Variants in ADAMTS12 observed in about 807,000 individuals in gnomAD.
ADAMTS12 encodes the protein A disintegrin and metalloproteinase with thrombospondin motifs 12.
In ADAMTS12, 118 loss-of-function variants were observed where a neutral mutation model predicts 167.8. The ratio of observed to expected loss-of-function variants is 0.70; its 90% CI spans 0.61 to 0.82. The LOEUF (loss-of-function observed/expected upper bound fraction) is 0.82, where lower values mean the gene tolerates loss of function less well. Ranked by LOEUF, ADAMTS12 falls within the 40% of genes least tolerant of loss-of-function variation. The pLI is 0.00. For missense variants in ADAMTS12, 1,916 were observed against 1,998.8 expected, an observed-to-expected ratio of 0.96 and a Z score of 0.79; for synonymous variants, 704 against 716.9, an observed-to-expected ratio of 0.98 and a Z score of 0.29.
chr5:33,851,828 TC>T (rs2111651128), intron 2 of ADAMTS12, among the ~76,000 whole-genome samples: 1 of 152,372 alleles, frequency 6.6e-6, no homozygotes, highest in South Asian at 2.1e-4. Flanking sequence ...AAAACCCCTT[TC>T]TGCAGACTTA....
intron 3 of ADAMTS12, among the ~76,000 whole-genome samples, chr5:33,690,014 C>A (rs1742494945): frequency 1.3e-5 from 2 of 152,178 alleles, no homozygotes; most frequent in South Asian, 4.1e-4. Flanking sequence ...CTGAGTTGGG[C>A]GAACACACGT....
intron 3 of ADAMTS12, among the ~76,000 whole-genome samples, chr5:33,702,397 T>A (rs1743035720): frequency 6.6e-6 from 1 of 152,208 alleles, no homozygotes. Flanking sequence ...GGAATAATTG[T>A]GCCCATCTGA....
intron 12 of ADAMTS12, among the ~76,000 whole-genome samples, chr5:33,631,828 T>A (rs1284101106): frequency 6.6e-6 from 1 of 152,172 alleles, no homozygotes; most frequent in East Asian, 1.9e-4. Context: ...TGGGGTCTCT[T>A]CTGGATGTGT....
chr5:33,607,643 C>T (rs1738514300), intron 16 of ADAMTS12, among the ~76,000 whole-genome samples: 1 of 152,160 alleles, frequency 6.6e-6, no homozygotes, highest in African/African-American at 2.4e-5. Context: ...TTTCCATGAG[C>T]ATGGAATGTT....
chr5:33,886,545 G>A (rs1750644777), intron 1 of ADAMTS12, among the ~76,000 whole-genome samples: 1 of 152,220 alleles, frequency 6.6e-6, no homozygotes, highest in African/African-American at 2.4e-5. Flanking sequence ...GCTGCTCTTG[G>A]CAAAGAGTAT....
intron 18 of ADAMTS12, among the ~76,000 whole-genome samples, chr5:33,582,503 T>C (rs948146191): frequency 6.6e-6 from 1 of 152,192 alleles, no homozygotes; most frequent in Non-Finnish European, 1.5e-5. Context: ...GCAATAGACA[T>C]AGCATTGCCA....
Position 33,576,431 on chromosome 5 carries a change from G to T in ADAMTS12, c.3595C>A (p.Pro1199Thr), listed in dbSNP as rs1233850085. 6.2e-7 allele frequency: 1 copy of T among 1,612,492 alleles called. No individual in the cohort carries two copies. The highest frequency in any genetic ancestry group is 1.1e-5 in the South Asian group (1 of 90,890). Residue 1199 changes from proline to threonine, a missense_variant, in exon 19 of 24, where the codon CCA (proline) becomes ACA (threonine). By Grantham distance (38) the Pro-to-Thr change is conservative. Transcript: ENST00000504830. ...VESTEMPLAP[P>T]LTPDLSRESW... ...TCCCTGCTGAGATCTGGTGTTAGTG[G>T]AGGTGCAAGTGGCATTTCTGTACTT...
chr5:33,798,673 C>G (rs1234873434), intron 2 of ADAMTS12, among the ~76,000 whole-genome samples: 1 of 152,102 alleles, frequency 6.6e-6, no homozygotes, highest in Non-Finnish European at 1.5e-5. Context: ...CTCCTGACTT[C>G]AGGTGATCTG....
At chr5:33,875,434 G>A (rs544321640) in intron 2 of ADAMTS12, among the ~76,000 whole-genome samples, 55 of 152,292 alleles carry the variant, frequency 3.6e-4, no homozygotes, top group African/African-American at 1.3e-3. Flanking sequence ...GGAGCAGGGA[G>A]ATTATGAGAT....
intron 2 of ADAMTS12, among the ~76,000 whole-genome samples, chr5:33,824,134 T>C (rs1367543061): frequency 6.6e-6 from 1 of 152,190 alleles, no homozygotes; most frequent in Non-Finnish European, 1.5e-5. Context: ...TCAATAATAA[T>C]AGATCATAAC....
intron 2 of ADAMTS12, among the ~76,000 whole-genome samples, chr5:33,809,983 G>GA (rs202032209): frequency 0.21 from 24,976 of 117,670 alleles, 2,691 homozygotes; most frequent in Non-Finnish European, 0.24. Context: ...AAGTTTAACA[G>GA]AAAAAAAAAA....
chr5:33,621,181 T>G (rs1021303676), intron 14 of ADAMTS12, among the ~76,000 whole-genome samples: 6 of 151,978 alleles, frequency 3.9e-5, no homozygotes, highest in African/African-American at 1.2e-4. Flanking sequence ...GGGTGGATCA[T>G]GAGGTCAGGA....
At chr5:33,634,035 G>T (rs919695086) in intron 12 of ADAMTS12, among the ~76,000 whole-genome samples, 1 of 152,064 alleles carries the variant, frequency 6.6e-6, no homozygotes, top group Non-Finnish European at 1.5e-5. Flanking sequence ...TGAACTTACC[G>T]AATCAAAGTT....
At chr5:33,560,947 CA>C in intron 20 of ADAMTS12, 79 bp downstream of exon 20, 3 of 1,489,540 alleles carry the variant, frequency 2.0e-6, no homozygotes, top group Non-Finnish European at 2.7e-6. Context: ...ACGACTTTAG[CA>C]AGTGTTTATA....
chr5:33,759,781 T>A (rs1038473039), intron 2 of ADAMTS12, among the ~76,000 whole-genome samples: 2 of 152,224 alleles, frequency 1.3e-5, no homozygotes, highest in Non-Finnish European at 2.9e-5. Flanking sequence ...TGAGTGCATT[T>A]ATTTCGTTTT....
At chr5:33,766,259 C>T (rs1745528835) in intron 2 of ADAMTS12, among the ~76,000 whole-genome samples, 1 of 152,080 alleles carries the variant, frequency 6.6e-6, no homozygotes, top group African/African-American at 2.4e-5. Context: ...ATACATGTGC[C>T]CTAGATATGA....
intron 9 of ADAMTS12, among the ~76,000 whole-genome samples, chr5:33,643,723 G>T (rs1485062147): frequency 2.0e-5 from 3 of 152,212 alleles, no homozygotes; most frequent in Non-Finnish European, 4.4e-5. Flanking sequence ...ATTTTCTAAG[G>T]GTTGAGATGG....
chr5:33,538,188 G>A (rs566319548), intron 22 of ADAMTS12, among the ~76,000 whole-genome samples: 2 of 152,318 alleles, frequency 1.3e-5, no homozygotes, highest in African/African-American at 4.8e-5. Context: ...GGAGGCCTCA[G>A]GAAACTTACA....
At chr5:33,554,583 C>T (rs1284985993) in intron 20 of ADAMTS12, among the ~76,000 whole-genome samples, 1 of 152,154 alleles carries the variant, frequency 6.6e-6, no homozygotes, top group Non-Finnish European at 1.5e-5. Flanking sequence ...TTTTTGCCTT[C>T]ATAGGATAGA....
Sources: allele counts gnomAD v4.1 joint callset (sites outside exome capture counted in the v4.1 genomes callset), GRCh38; gene constraint gnomAD v4.1.1; transcripts MANE v1.5; gene names NCBI Gene and HGNC (gene_info 2026-07-23, HGNC 2026-07-21).